Variants in SHH observed in about 807,000 individuals in gnomAD.
SHH encodes the protein sonic hedgehog signaling molecule.
A neutral mutation model predicts 16.6 loss-of-function variants in SHH; 3 were observed. The ratio of observed to expected loss-of-function variants is 0.18; its 90% CI spans 0.08 to 0.47. The LOEUF (loss-of-function observed/expected upper bound fraction) is 0.47. Ranked by LOEUF, SHH falls within the 20% of genes least tolerant of loss-of-function variation. The pLI, the probability that SHH is intolerant of heterozygous loss-of-function variation, is 0.98. For synonymous variants in SHH, 351 were observed against 316.2 expected, an observed-to-expected ratio of 1.11 and a Z score of -1.17; for missense variants, 499 against 665.0, an observed-to-expected ratio of 0.75 and a Z score of 2.75.
chr7:155,810,838 G>C (rs1803507773), intron 1 of SHH, among the ~76,000 whole-genome samples: 1 of 152,236 alleles, frequency 6.6e-6, no homozygotes, highest in South Asian at 2.1e-4. Flanking sequence ...CAATAAAAAG[G>C]ATGTTGACCT....
rs1432283779 is a variant in SHH, at chr7:155,803,081, C to T, written c.1208G>A (p.Gly403Asp). ...ARTDRGGDSG[G>D]GDRGGGGGRV... Reference sequence around the variant, plus strand: ...GCCGCCGCCGCCCCCGCGGTCCCCGCCGCCGCTGTCCCCGCCGCGGTCCGT... The same window carrying T: ...GCCGCCGCCGCCCCCGCGGTCCCCGTCGCCGCTGTCCCCGCCGCGGTCCGT... Residue 403 changes from glycine to aspartate, a missense_variant, in exon 3 of 3, where the codon GGC becomes GAC. By Grantham distance (94) the Gly-to-Asp change is moderately conservative. Around this residue, in one of 4 missense-constraint regions of SHH, gnomAD observed 299 missense variants for 301.1 expected, o/e 0.99. Coordinates refer to ENST00000297261, the MANE Select transcript of SHH (RefSeq NM_000193.4). 5.9e-6 allele frequency: 8 copies of T among 1,352,614 alleles called. No individual in the cohort carries two copies. The highest frequency in any genetic ancestry group is 3.6e-5 in the Admixed American group (1 of 27,634). The allele number at this position is 1,352,614 out of a possible 1,614,324, so 83.8% of individuals were successfully genotyped here.
intron 2 of SHH, 94 bp from the exon 3 acceptor site, chr7:155,803,820 G>A (rs1265077494): frequency 1.8e-6 from 2 of 1,119,090 alleles, no homozygotes; most frequent in Non-Finnish European, 2.6e-6. Context: ...CTTGGTGCCC[G>A]CGCTCCTAGG....
Position 155,803,203 on chromosome 7 carries a change from C to T in SHH, c.1086G>A (p.Ser362=), listed in dbSNP as rs747202947. The T allele has an allele frequency of 1.3e-6, 2 of 1,499,666 alleles. No homozygotes were observed. The highest frequency in any genetic ancestry group is 5.6e-5 in the East Asian group (2 of 35,426). 92.9% of individuals were successfully genotyped at this position (1,499,666 alleles called of 1,614,324 possible). ...TGTGCTCCTCGATGACCGCGTAGCA[C>T]GAGGCCAGCACCCGGTTGATGAGAA... The part of the protein sequence containing the change: ...GTILINRVLA[S]CYAVIEEHSW... The change falls in exon 3 of 3, where the codon TCG becomes TCA. Residue 362 remains serine (S), a synonymous_variant. Transcript: ENST00000297261.
rs991536699 is a variant in SHH at position 155,802,785 on chromosome 7, A to ATTC, written c.*112_*114dup. 1.3e-4 allele frequency: 82 copies of ATTC among 611,302 alleles called. No individual in the cohort carries two copies. Among genetic ancestry groups the ATTC allele is most frequent in the Middle Eastern group, 4.8e-4 (1 of 2,080 alleles). The allele number at this position is 611,302 out of a possible 1,614,324, so 37.9% of individuals were successfully genotyped here. A position where few individuals can be genotyped will look rare whatever the true frequency, so the allele number is the denominator to read the frequency against. ...TGGACTGTCCTACTTTATTATTCTT[A>ATTC]TTCTTATTATAACTCAGTCTGGTTC... On this transcript the variant is annotated 3_prime_UTR_variant, in exon 3 of 3. Transcript: ENST00000297261.
chr7:155,810,266 G>A (rs1224576016), intron 1 of SHH, among the ~76,000 whole-genome samples: 1 of 152,030 alleles, frequency 6.6e-6, no homozygotes, highest in Non-Finnish European at 1.5e-5. Context: ...TTGGCCTCCC[G>A]CAGAGCAGGG....
intron 2 of SHH, 152 bp downstream of exon 2, chr7:155,806,144 C>T (rs1803354840): frequency 1.1e-6 from 1 of 928,942 alleles, no homozygotes. Context: ...CGGCACCTCA[C>T]AGGGCAGGTT....
rs1046820550 is a variant in SHH at position 155,801,770 on chromosome 7, T to C, written c.*1130A>G. 6.6e-5 allele frequency: 10 copies of C among 151,942 alleles called. No homozygotes were observed. Among genetic ancestry groups the C allele is most frequent in the Admixed American group, 4.6e-4 (7 of 15,250 alleles). The allele number at this position is 151,942 out of a possible 1,614,324, so 9.4% of individuals were successfully genotyped here. On this transcript the variant is annotated 3_prime_UTR_variant, in exon 3 of 3. Coordinates refer to ENST00000297261, the MANE Select transcript of SHH (RefSeq NM_000193.4). ...ATTGGGAGCTCCTGTCAGCGCTAGG[T>C]TTCCCAAACAAAGAAGCCAAAAACT...
At position 155,811,940 on chromosome 7, in the gene SHH, C is replaced by A. The variant is rs776420800; in HGVS notation, c.183G>T (p.Arg61Ser). 1.2e-4 allele frequency: 194 copies of A among 1,614,004 alleles called. No individual in the cohort carries two copies. Among genetic ancestry groups the A allele is most frequent in the Admixed American group, 4.0e-4 (24 of 59,998 alleles). Residue 61 changes from arginine (R) to serine (S), a missense_variant, in exon 1 of 3, where the codon AGG becomes AGT. By Grantham distance (110) the Arg-to-Ser change is moderately radical. Transcript: ENST00000297261. ...AGTTTCTGGAGATCTTCCCTTCATA[C>A]CTTCCGCTGGCGCCTAGGGTCTTCT... ...VAEKTLGASG[R>S]YEGKISRNSE...
At position 155,802,087 on chromosome 7, in the gene SHH, AAAAAAAAAAAAAAG is replaced by A. The variant is rs1803194722; in HGVS notation, c.*799_*812del. 6.7e-6 allele frequency: 1 copy of A among 149,524 alleles called. No individual in the cohort carries two copies. Among genetic ancestry groups the A allele is most frequent in the South Asian group, 2.1e-4 (1 of 4,800 alleles). 9.3% of individuals were successfully genotyped at this position (149,524 alleles called of 1,614,324 possible). ...TCTTCCAGTTTGTCCAAAAAAAAAA[AAAAAAAAAAAAAAG>A]AAAAGAAAAGAAAAAGAAAAGTGTG... On this transcript the variant is annotated 3_prime_UTR_variant, in exon 3 of 3. Coordinates refer to ENST00000297261, the MANE Select transcript of SHH (RefSeq NM_000193.4).
chr7:155,808,545 A>G (rs1344076170), intron 1 of SHH, among the ~76,000 whole-genome samples: 1 of 152,144 alleles, frequency 6.6e-6, no homozygotes, highest in Non-Finnish European at 1.5e-5. Flanking sequence ...TGAGGGGCGG[A>G]GGCCGAGGGT....
intron 2 of SHH, among the ~76,000 whole-genome samples, chr7:155,805,186 C>CG (rs1803321879): frequency 6.6e-6 from 1 of 151,732 alleles, no homozygotes; most frequent in Middle Eastern, 3.2e-3. Context: ...GGCAGGGAGC[C>CG]GGGGAGGAGG....
In SHH at chr7:155,800,621, G is replaced by A. The variant is rs893107123; in HGVS notation, c.*2279C>T. On this transcript the variant is annotated 3_prime_UTR_variant, in exon 3 of 3. Transcript: ENST00000297261. ...AACTGTCAAAAGAACAGAAACCATC[G>A]CACTTCCTCCGAGATTGTAAACACC... 3 of 470,642 alleles carry A rather than the reference G, an allele frequency of 6.4e-6. No homozygotes were observed. Among genetic ancestry groups the A allele is most frequent in the Non-Finnish European group, 1.3e-5 (3 of 227,036 alleles). The allele number at this position is 470,642 out of a possible 1,614,324, so 29.2% of individuals were successfully genotyped here. A position where few individuals can be genotyped will look rare whatever the true frequency, so the allele number is the denominator to read the frequency against.
intron 1 of SHH, 198 bp from the exon 2 acceptor site, chr7:155,806,755 G>T: frequency 1.4e-6 from 1 of 701,732 alleles, no homozygotes; most frequent in Non-Finnish European, 2.6e-6. Context: ...AGCATTTGCG[G>T]AGGAGCGTGG....
intron 1 of SHH, 142 bp from the exon 2 acceptor site, chr7:155,806,699 G>A (rs1249303675): frequency 2.9e-6 from 3 of 1,026,416 alleles, no homozygotes; most frequent in Non-Finnish European, 4.5e-6. Flanking sequence ...GGTTGGAATG[G>A]CCCAGACACA....
At chr7:155,805,114 A>T (rs925587050) in intron 2 of SHH, among the ~76,000 whole-genome samples, 3 of 150,468 alleles carry the variant, frequency 2.0e-5, no homozygotes, top group Non-Finnish European at 3.0e-5. Flanking sequence ...GATCCGGGGG[A>T]TGGATTAGCG....
Position 155,803,184 on chromosome 7 carries a change from C to T in SHH, c.1105G>A (p.Glu369Lys). The change falls in exon 3 of 3, where the codon GAG (glutamate) becomes AAG (lysine). Residue 369 changes from glutamate (E) to lysine (K), a missense_variant. Physicochemically the swap from Glu to Lys is moderately conservative, Grantham distance 56 (BLOSUM62 1). Around this residue, in one of 4 missense-constraint regions of SHH, gnomAD observed 299 missense variants for 301.1 expected, o/e 0.99. Transcript: ENST00000297261. ...AAGGCCCGGTGCGCCCAGCTGTGCT[C>T]CTCGATGACCGCGTAGCACGAGGCC... ...VLASCYAVIE[E>K]HSWAHRAFAP... 6.8e-7 allele frequency: 1 copy of T among 1,479,264 alleles called. No homozygotes were observed. 91.6% of individuals were successfully genotyped at this position (1,479,264 alleles called of 1,614,324 possible).
intron 2 of SHH, 61 bp from the exon 3 acceptor site, chr7:155,803,787 C>G (rs1803270937): frequency 6.9e-7 from 1 of 1,441,298 alleles, no homozygotes; most frequent in Admixed American, 1.7e-5. Flanking sequence ...GAGGGAGGCG[C>G]GTCTCGGGGA....
Position 155,809,003 on chromosome 7 carries a change from T to G in SHH, c.301-2446A>C, listed in dbSNP as rs997158703. 6.6e-6 allele frequency: 1 copy of G among 152,414 alleles called. No individual in the cohort carries two copies. The highest frequency in any genetic ancestry group is 2.4e-5 in the African/African-American group (1 of 41,462). 9.4% of individuals were successfully genotyped at this position (152,414 alleles called of 1,614,324 possible). On this transcript the variant is annotated intron_variant, in intron 1 of 2. Coordinates refer to ENST00000297261, the MANE Select transcript of SHH (RefSeq NM_000193.4). This position sits in a 1 kb window ranked among gnomAD's most constrained non-coding sequence, Gnocchi z 6.1. ...TCCCCAACCCCATACCTGAGCGTCT[T>G]TCCTGGCGGCCCCAGAGCGCACATT...
intron 2 of SHH, among the ~76,000 whole-genome samples, chr7:155,805,880 C>T (rs9333626): frequency 0.076 from 11,554 of 152,320 alleles, 470 homozygotes; most frequent in Non-Finnish European, 0.093. Context: ...ATAGACACCC[C>T]TGCGCTTGGG....
Sources: allele counts gnomAD v4.1 joint callset (sites outside exome capture counted in the v4.1 genomes callset), GRCh38; gene constraint gnomAD v4.1.1; regional missense constraint gnomAD v4.1.1; non-coding constraint Gnocchi (gnomAD v3.1); transcripts MANE v1.5; gene names NCBI Gene and HGNC (gene_info 2026-07-23, HGNC 2026-07-21).